PXMP2: variants seen among roughly 807,000 people sequenced by gnomAD.
The protein encoded by PXMP2 is peroxisomal membrane protein 2, also known as 22 kDa peroxisomal membrane protein.
Under a neutral mutation model 20.2 loss-of-function variants are expected in PXMP2, and 13 were observed. The ratio of observed to expected loss-of-function variants is 0.64; its 90% CI spans 0.42 to 1.02. The LOEUF (loss-of-function observed/expected upper bound fraction) is 1.02, where lower values mean the gene tolerates loss of function less well. PXMP2 is among the 50% of genes least tolerant of loss of function. The pLI, the probability that PXMP2 is intolerant of heterozygous loss-of-function variation, is 0.00. For missense variants in PXMP2, 284 were observed against 251.8 expected (o/e 1.13, Z -0.87); for synonymous variants, 113 against 111.2 (o/e 1.02, Z -0.10).
intron 4 of PXMP2, among the ~76,000 whole-genome samples, chr12:132,701,840 A>T (rs2043444088): frequency 1.3e-5 from 2 of 152,196 alleles, no homozygotes; most frequent in Non-Finnish European, 2.9e-5. Context: ...CTGTAATCCC[A>T]TCACTATGGA....
intron 3 of PXMP2, among the ~76,000 whole-genome samples, chr12:132,697,014 A>ATGAT (rs2043414058): frequency 6.6e-6 from 1 of 151,798 alleles, no homozygotes; most frequent in Non-Finnish European, 1.5e-5. Context: ...AGGGCCGGGC[A>ATGAT]TGATGGTGCA....
chr12:132,696,128 G>A lies in PXMP2; in HGVS notation c.399+82G>A. ...CCTGACATTCTCGGCAGAATTCAGA[G>A]GGTCTGCAGATTTTTCACTCAAATT... On this transcript the variant is annotated intron_variant, in intron 3 of 4. Transcript: ENST00000317479. This position sits in a 1 kb window ranked among gnomAD's most constrained non-coding sequence, Gnocchi z 4.4. 1 of 1,415,766 alleles carries A rather than the reference G, an allele frequency of 7.1e-7. No individual in the cohort carries two copies. The highest frequency in any genetic ancestry group is 2.4e-5 in the East Asian group (1 of 41,204). The allele number at this position is 1,415,766 out of a possible 1,614,324, so 87.7% of individuals were successfully genotyped here. A position where few individuals can be genotyped will look rare whatever the true frequency, so the allele number is the denominator to read the frequency against.
chr12:132,691,008 A>G (rs991555856), intron 2 of PXMP2, among the ~76,000 whole-genome samples: 1 of 152,158 alleles, frequency 6.6e-6, no homozygotes, highest in African/African-American at 2.4e-5. Flanking sequence ...TGGAAAGGGA[A>G]AACTGACTCC....
intron 2 of PXMP2, among the ~76,000 whole-genome samples, chr12:132,692,228 CAGTT>C (rs1355619460): frequency 5.7e-4 from 83 of 146,620 alleles, no homozygotes; most frequent in Admixed American, 8.9e-4. Flanking sequence ...CGCCCTTAGC[CAGTT>C]AGTTAGTGAG....
In PXMP2 at chr12:132,696,094, G is replaced by A. The variant is rs750683051; in HGVS notation, c.399+48G>A. On this transcript the variant is annotated intron_variant, in intron 3 of 4. Coordinates refer to ENST00000317479, the MANE Select transcript of PXMP2 (RefSeq NM_018663.3). This position sits in a 1 kb window ranked among gnomAD's most constrained non-coding sequence, Gnocchi z 4.4. ...ACTGCAGCTCTTCGTTTAGCACAGGGATTCTTCACCTGACATTCTCGGCAG... is the reference window on the plus strand; with the variant it reads ...ACTGCAGCTCTTCGTTTAGCACAGGAATTCTTCACCTGACATTCTCGGCAG... 6.6e-7 allele frequency: 1 copy of A among 1,512,832 alleles called. No individual in the cohort carries two copies. The allele number at this position is 1,512,832 out of a possible 1,614,324, so 93.7% of individuals were successfully genotyped here.
chr12:132,702,161 T>C (rs894814170), intron 4 of PXMP2, among the ~76,000 whole-genome samples: 2 of 152,256 alleles, frequency 1.3e-5, no homozygotes, highest in Non-Finnish European at 2.9e-5. Context: ...CAGCTGAGCC[T>C]GAAGGCAGGC....
At chr12:132,690,101 A>C (rs1593103443) in intron 1 of PXMP2, among the ~76,000 whole-genome samples, 162 bp from the exon 2 acceptor site, 1 of 152,194 alleles carries the variant, frequency 6.6e-6, no homozygotes, top group South Asian at 2.1e-4. Flanking sequence ...CACCGTCTCC[A>C]CCTTTTGATA....
chr12:132,702,918 C>T (rs776553870), intron 4 of PXMP2, among the ~76,000 whole-genome samples: 23 of 152,210 alleles, frequency 1.5e-4, no homozygotes, highest in Non-Finnish European at 2.8e-4. Flanking sequence ...ACCACAAACA[C>T]ACCAAGAAGC....
At chr12:132,695,258 AGT>A (rs1197429137) in intron 2 of PXMP2, among the ~76,000 whole-genome samples, 1 of 151,990 alleles carries the variant, frequency 6.6e-6, no homozygotes, top group Non-Finnish European at 1.5e-5. Context: ...CAGTTAGCCT[AGT>A]GAGTGCCCTT....
intron 3 of PXMP2, among the ~76,000 whole-genome samples, chr12:132,700,282 C>T (rs1041394806): frequency 1.3e-5 from 2 of 151,760 alleles, no homozygotes; most frequent in Non-Finnish European, 2.9e-5. Flanking sequence ...CTGCTGACCT[C>T]GTGATCCGCC....
chr12:132,704,795 G>A lies in PXMP2; in HGVS notation c.*108G>A. On this transcript the variant is annotated 3_prime_UTR_variant, in exon 5 of 5. Transcript: ENST00000317479. ...CAGGATGTCACTGACTCTAAATCAGGTGATTCAAGATGCCCAAAAATGATG... is the reference window on the plus strand; with the variant it reads ...CAGGATGTCACTGACTCTAAATCAGATGATTCAAGATGCCCAAAAATGATG... The A allele has an allele frequency of 9.2e-7, 1 of 1,090,368 alleles. No individual in the cohort carries two copies. The highest frequency in any genetic ancestry group is 1.4e-6 in the Non-Finnish European group (1 of 714,842). 67.5% of individuals were successfully genotyped at this position (1,090,368 alleles called of 1,614,324 possible).
In PXMP2 at chr12:132,687,685, G is replaced by T. The variant is rs1279924791; in HGVS notation, c.15G>T (p.Ala5=). MAPA[A]SRLRAEAGLG... ...CTGGGGAGGCGATGGCGCCGGCCGC[G>T]TCCAGGCTGCGGGCCGAAGCCGGGC... The change falls in exon 1 of 5, where the codon GCG becomes GCT. Residue 5 remains alanine, a synonymous_variant. Transcript: ENST00000317479. The T allele has an allele frequency of 5.5e-5, 65 of 1,179,836 alleles. No individual in the cohort carries two copies. The highest frequency in any genetic ancestry group is 6.4e-5 in the Non-Finnish European group (61 of 959,662). 73.1% of individuals were successfully genotyped at this position (1,179,836 alleles called of 1,614,324 possible). A position where few individuals can be genotyped will look rare whatever the true frequency, so the allele number is the denominator to read the frequency against.
intron 1 of PXMP2, 183 bp downstream of exon 1, chr12:132,687,975 C>A: frequency 2.0e-6 from 1 of 505,962 alleles, no homozygotes; most frequent in Non-Finnish European, 2.7e-6. Flanking sequence ...CCGCAGTCAG[C>A]GATTGTGAGG....
At position 132,704,786 on chromosome 12, in the gene PXMP2, C is replaced by G. The variant is rs1593111341; in HGVS notation, c.*99C>G. 8.7e-7 allele frequency: 1 copy of G among 1,143,400 alleles called. No homozygotes were observed. The highest frequency in any genetic ancestry group is 1.5e-5 in the African/African-American group (1 of 65,704). 70.8% of individuals were successfully genotyped at this position (1,143,400 alleles called of 1,614,324 possible). A position where few individuals can be genotyped will look rare whatever the true frequency, so the allele number is the denominator to read the frequency against. On this transcript the variant is annotated 3_prime_UTR_variant, in exon 5 of 5. Transcript: ENST00000317479. Reference sequence around the variant, plus strand: ...CAATCCAGTCAGGATGTCACTGACTCTAAATCAGGTGATTCAAGATGCCCA... The same window carrying G: ...CAATCCAGTCAGGATGTCACTGACTGTAAATCAGGTGATTCAAGATGCCCA...
At chr12:132,697,693 A>C (rs191054958) in intron 3 of PXMP2, among the ~76,000 whole-genome samples, 1 of 152,250 alleles carries the variant, frequency 6.6e-6, no homozygotes, top group East Asian at 1.9e-4. Context: ...AGCGTGAGCC[A>C]CTGCGCCCAG....
intron 1 of PXMP2, 28 bp from the exon 2 acceptor site, chr12:132,690,235 T>C: frequency 6.4e-7 from 1 of 1,572,032 alleles, no homozygotes. Flanking sequence ...TGGTCACTGC[T>C]GTTTTCTGAT....
In PXMP2 at chr12:132,704,734, G is replaced by A. The variant is rs1191452871; in HGVS notation, c.*47G>A. ...GTGCACTGTGGACGTGGGTCTGGGG[G>A]TCTCACCCGCCCAGCGAGAGCAGAA... On this transcript the variant is annotated 3_prime_UTR_variant, in exon 5 of 5. Coordinates refer to ENST00000317479, the MANE Select transcript of PXMP2 (RefSeq NM_018663.3). 1.9e-6 allele frequency: 3 copies of A among 1,566,174 alleles called. No homozygotes were observed. Among genetic ancestry groups the A allele is most frequent in the Admixed American group, 1.7e-5 (1 of 57,480 alleles).
At chr12:132,697,109 G>A (rs941452694) in intron 3 of PXMP2, among the ~76,000 whole-genome samples, 13 of 152,046 alleles carry the variant, frequency 8.6e-5, no homozygotes, top group South Asian at 2.1e-4. Context: ...GCAACATGGC[G>A]AATACCCATC....
chr12:132,696,423 A>G lies in PXMP2; in HGVS notation c.399+377A>G, dbSNP rs1485229809. ...AGCTAATCAGATATTTTTATATCACATCAGTTGTTACAGATATCTCGAAAT... is the reference window on the plus strand; with the variant it reads ...AGCTAATCAGATATTTTTATATCACGTCAGTTGTTACAGATATCTCGAAAT... On this transcript the variant is annotated intron_variant, in intron 3 of 4. Transcript: ENST00000317479. This position sits in a 1 kb window ranked among gnomAD's most constrained non-coding sequence, Gnocchi z 4.4. 6.6e-6 allele frequency among the ~76,000 whole-genome samples: 1 copy of G among 152,148 alleles called. No individual in the cohort carries two copies. Among genetic ancestry groups the G allele is most frequent in the Non-Finnish European group, 1.5e-5 (1 of 68,034 alleles).
Sources: allele counts gnomAD v4.1 joint callset (sites outside exome capture counted in the v4.1 genomes callset), GRCh38; gene constraint gnomAD v4.1.1; non-coding constraint Gnocchi (gnomAD v3.1); transcripts MANE v1.5; gene names NCBI Gene and HGNC (gene_info 2026-07-23, HGNC 2026-07-21).